ZMYND11: variants seen among roughly 807,000 people sequenced by gnomAD.
ZMYND11 encodes zinc finger MYND-type containing 11.
ZMYND11 carries 9 observed loss-of-function variants against 84.9 expected under a neutral mutation model. The observed-to-expected ratio is 0.11, with a 90% CI of 0.06 to 0.18. The LOEUF is 0.18. Ranked by LOEUF, ZMYND11 falls within the 10% of genes least tolerant of loss-of-function variation. The pLI is 1.00. For synonymous variants in ZMYND11, 250 were observed against 244.1 expected, an observed-to-expected ratio of 1.02 and a Z score of -0.23; for missense variants, 409 against 761.0, an observed-to-expected ratio of 0.54 and a Z score of 5.44.
intron 12 of ZMYND11, 58 bp downstream of exon 12, chr10:247,524 G>T: frequency 6.5e-7 from 1 of 1,540,772 alleles, no homozygotes; most frequent in Non-Finnish European, 8.9e-7. Context: ...TATTTTCAAA[G>T]TATTTTGTAT....
intron 2 of ZMYND11, among the ~76,000 whole-genome samples, chr10:199,349 C>T (rs1422657559): frequency 2.1e-5 from 3 of 140,588 alleles, no homozygotes; most frequent in South Asian, 5.0e-4. Context: ...GTCTCTGTCT[C>T]TTTCTTTCTG....
chr10:166,751 C>G (rs893881987), intron 1 of ZMYND11, among the ~76,000 whole-genome samples: 1 of 151,964 alleles, frequency 6.6e-6, no homozygotes, highest in African/African-American at 2.4e-5. Context: ...GGGTATATGC[C>G]CCAAGGAATT....
chr10:213,428 GATGT>G (rs775711041), intron 3 of ZMYND11, among the ~76,000 whole-genome samples: 4 of 152,190 alleles, frequency 2.6e-5, no homozygotes, highest in Non-Finnish European at 5.9e-5. Context: ...TAAACTGAAA[GATGT>G]ATGTTGTAAT....
At chr10:248,025 T>G (rs943112479) in intron 12 of ZMYND11, among the ~76,000 whole-genome samples, 3 of 152,208 alleles carry the variant, frequency 2.0e-5, no homozygotes, top group Non-Finnish European at 4.4e-5. Flanking sequence ...ATTCTATAAA[T>G]TTCTGTGTTT....
intron 1 of ZMYND11, among the ~76,000 whole-genome samples, chr10:164,493 G>A (rs1554763136): frequency 1.3e-5 from 2 of 152,162 alleles, no homozygotes; most frequent in African/African-American, 2.4e-5. Flanking sequence ...ATTCTAGTAT[G>A]TAGGCTGACC....
In ZMYND11 at chr10:254,227, A is replaced by G. The variant is rs578005030; in HGVS notation, c.*1757A>G. 3.3e-5 allele frequency: 5 copies of G among 152,756 alleles called. No individual in the cohort carries two copies. In the South Asian group the frequency reaches 1.0e-3, roughly 32 times the overall value. 9.5% of individuals were successfully genotyped at this position (152,756 alleles called of 1,614,324 possible). A position where few individuals can be genotyped will look rare whatever the true frequency, so the allele number is the denominator to read the frequency against. ...GTAATTGTGGAAATATTTTTGGTGT[A>G]AAATCATTCCAGAGTATGTAATATT... On this transcript the variant is annotated 3_prime_UTR_variant, in exon 15 of 15. Transcript: ENST00000381604.
intron 1 of ZMYND11, among the ~76,000 whole-genome samples, chr10:141,981 A>G (rs1378081299): frequency 2.6e-5 from 4 of 152,216 alleles, no homozygotes; most frequent in South Asian, 4.1e-4. Flanking sequence ...TAGCAAGACA[A>G]TCTGATTTGT....
At chr10:238,638 G>A (rs1040628467) in intron 6 of ZMYND11, among the ~76,000 whole-genome samples, 2 of 152,192 alleles carry the variant, frequency 1.3e-5, no homozygotes, top group African/African-American at 4.8e-5. Context: ...TTACAGGCGT[G>A]AGCCACCGCG....
chr10:248,650 ACTC>A, intron 13 of ZMYND11, 42 bp downstream of exon 13: 1 of 1,554,656 alleles, frequency 6.4e-7, no homozygotes, highest in Non-Finnish European at 8.7e-7. Flanking sequence ...TGCAGCCGGC[ACTC>A]CTGTCATGGT....
chr10:238,789 AC>A (rs1479885992), intron 6 of ZMYND11, among the ~76,000 whole-genome samples: 1 of 152,014 alleles, frequency 6.6e-6, no homozygotes, highest in African/African-American at 2.4e-5. Context: ...TTTACCTCCT[AC>A]CCCCAGCCAT....
At chr10:134,927 G>A (rs1835527057), upstream of ZMYND11, 1 of 150,290 alleles carries the variant, frequency 6.7e-6, no homozygotes, top group African/African-American at 2.4e-5. Flanking sequence ...GCCCCGGGCG[G>A]GAGGCGGCCG....
intron 1 of ZMYND11, among the ~76,000 whole-genome samples, chr10:158,570 C>A (rs1396136541): frequency 1.3e-5 from 2 of 151,496 alleles, no homozygotes; most frequent in African/African-American, 4.8e-5. Context: ...GTGTTTGCCA[C>A]CATACCCAGC....
intron 14 of ZMYND11, among the ~76,000 whole-genome samples, chr10:251,001 C>T (rs759575860): frequency 1.4e-4 from 22 of 152,130 alleles, no homozygotes; most frequent in African/African-American, 1.9e-4. Context: ...CCAGCCTGGG[C>T]GACAGAGCGA....
Position 179,168 on chromosome 10 carries a change from A to C in ZMYND11, c.-19-826A>C, listed in dbSNP as rs145162185. Among the ~76,000 whole-genome samples the C allele has an allele frequency of 2.3e-4, 35 of 152,278 alleles. No homozygotes were observed. The East Asian group carries it at 6.8e-3, about 29-fold the overall frequency. ...CATGACAAACGCTTACCAGATTCCT[A>C]CAAGCACGTCTCTCCATGCTGAGTT... On this transcript the variant is annotated intron_variant, in intron 1 of 14. Coordinates refer to ENST00000381604, the MANE Select transcript of ZMYND11 (RefSeq NM_001370100.5).
At chr10:194,336 G>T (rs1409955430) in intron 2 of ZMYND11, among the ~76,000 whole-genome samples, 1 of 152,106 alleles carries the variant, frequency 6.6e-6, no homozygotes, top group African/African-American at 2.4e-5. Flanking sequence ...GACTACAGGT[G>T]TGAGCCACCA....
intron 2 of ZMYND11, among the ~76,000 whole-genome samples, chr10:198,517 G>T (rs146011143): frequency 6.6e-6 from 1 of 152,106 alleles, no homozygotes; most frequent in East Asian, 1.9e-4. Context: ...TTTTAATTCA[G>T]AAATAAGGGA....
At chr10:135,254 C>T (rs1835643614), upstream of ZMYND11, 2 of 151,286 alleles carry the variant, frequency 1.3e-5, no homozygotes, top group Non-Finnish European at 3.0e-5. The surrounding 1 kb of genome is among the most constrained non-coding windows in gnomAD (Gnocchi z 5.6). Context: ...ACGCGGCGAC[C>T]CGGCCGCCTA....
chr10:181,005 A>G (rs1847779766), intron 2 of ZMYND11, among the ~76,000 whole-genome samples: 1 of 152,066 alleles, frequency 6.6e-6, no homozygotes, highest in African/African-American at 2.4e-5. Flanking sequence ...AAAGTACCTT[A>G]TGAAGCTTCT....
intron 4 of ZMYND11, among the ~76,000 whole-genome samples, chr10:225,645 C>G (rs1199984591): frequency 6.6e-6 from 1 of 152,124 alleles, no homozygotes; most frequent in African/African-American, 2.4e-5. Context: ...ACCATACCGG[C>G]TGTCTCATTT....
Sources: gnomAD v4.1 joint callset for allele counts (sites outside exome capture counted in the v4.1 genomes callset) on GRCh38, gnomAD v4.1.1 for gene constraint, Gnocchi (gnomAD v3.1) non-coding constraint, MANE v1.5 for transcripts, NCBI Gene and HGNC (gene_info 2026-07-23, HGNC 2026-07-21) for gene names.